The following GDAP1 variants were observed in gnomAD, a reference collection of about 807,000 sequenced individuals.
GDAP1 encodes ganglioside induced differentiation associated protein 1, also known as ganglioside-induced differentiation-associated protein 1.
Under a neutral mutation model 40.1 loss-of-function variants are expected in GDAP1, and 34 were observed. The observed-to-expected ratio is 0.85, with a 90% CI of 0.64 to 1.13. The LOEUF (loss-of-function observed/expected upper bound fraction) is 1.13, where lower values mean the gene tolerates loss of function less well. Among genes scored for constraint, GDAP1 ranks in the 50% most tolerant of loss-of-function variants. GDAP1 has a pLI of 0.00. For missense variants in GDAP1, 374 were observed against 433.7 expected (o/e 0.86, Z 1.22); for synonymous variants, 170 against 157.4 (o/e 1.08, Z -0.60).
rs187602506 is a variant in GDAP1, at chr8:74,365,752, A to G, written c.*1385A>G. ...TAATTCCATTTCATGACCTAGTTGT[A>G]TTAGAAAACCTTGATGAACTATATG... is the stretch of plus-strand genomic sequence containing the variant. On this transcript the variant is annotated 3_prime_UTR_variant, in exon 6 of 6. Coordinates refer to ENST00000220822, the MANE Select transcript of GDAP1 (RefSeq NM_018972.4). The G allele has an allele frequency of 2.2e-6, 1 of 454,540 alleles. No homozygotes were observed. Among genetic ancestry groups the G allele is most frequent in the East Asian group, 6.9e-5 (1 of 14,402 alleles). 28.2% of individuals were successfully genotyped at this position (454,540 alleles called of 1,614,324 possible).
At chr8:74,433,037 C>G (rs949515882) in intron 2 of GDAP1, among the ~76,000 whole-genome samples, 6 of 152,166 alleles carry the variant, frequency 3.9e-5, no homozygotes, top group African/African-American at 1.4e-4. Flanking sequence ...CTTCAGTAAA[C>G]TCAGCTTTCC....
chr8:74,350,909 G>A (rs185949417), intron 1 of GDAP1, among the ~76,000 whole-genome samples: 1 of 152,190 alleles, frequency 6.6e-6, no homozygotes, highest in Non-Finnish European at 1.5e-5. Context: ...CATAATCTGC[G>A]ATCTCTTCTT....
intron 2 of GDAP1, among the ~76,000 whole-genome samples, chr8:74,396,494 A>G (rs1436309804): frequency 6.6e-6 from 1 of 151,850 alleles, no homozygotes; most frequent in African/African-American, 2.4e-5. Flanking sequence ...TCCTAATGCT[A>G]TCCTTCCCCC....
chr8:74,371,598 T>C (rs1325364565), downstream of GDAP1, among the ~76,000 whole-genome samples: 2 of 151,126 alleles, frequency 1.3e-5, no homozygotes, highest in South Asian at 4.2e-4. Flanking sequence ...AGGCGGAGCT[T>C]GCAGTGAGCC....
chr8:74,458,116 A>G (rs1381996384), intron 2 of GDAP1, among the ~76,000 whole-genome samples: 1 of 152,052 alleles, frequency 6.6e-6, no homozygotes, highest in Non-Finnish European at 1.5e-5. Flanking sequence ...TAAATACAAT[A>G]TTGACATGGT....
downstream of GDAP1, among the ~76,000 whole-genome samples, chr8:74,367,309 T>G (rs6472843): frequency 0.99 from 151,327 of 152,280 alleles, 75,196 homozygotes; most frequent in East Asian, 1. Flanking sequence ...TATGGATTAT[T>G]CATATTGAAA....
Position 74,462,226 on chromosome 8 carries a change from T to C in GDAP1, c.166-26452T>C, listed in dbSNP as rs189518554. Among the ~76,000 whole-genome samples, 14 of 152,328 alleles carry C rather than the reference T, an allele frequency of 9.2e-5. No individual in the cohort carries two copies. In the East Asian group the frequency reaches 2.7e-3, roughly 29 times the overall value. On this transcript the variant is annotated intron_variant, in intron 2 of 2. Transcript: ENST00000523640. ...CTAGAGTTAATTTTTTGTCAAGTACTTCCTGGCTGGGCTGGGCTACTTATT... is the reference window on the plus strand; with the variant it reads ...CTAGAGTTAATTTTTTGTCAAGTACCTCCTGGCTGGGCTGGGCTACTTATT...
intron 2 of GDAP1, among the ~76,000 whole-genome samples, chr8:74,415,435 C>G (rs1212602519): frequency 6.7e-6 from 1 of 150,042 alleles, no homozygotes; most frequent in Non-Finnish European, 1.5e-5. Context: ...TGAACTTTTT[C>G]CAAGAAGCAA....
rs557626477 is a variant in GDAP1 at position 74,465,240 on chromosome 8, T to TA, written c.166-23429dup. Among the ~76,000 whole-genome samples, 303 of 151,026 alleles carry TA rather than the reference T, an allele frequency of 2.0e-3. 1 individual carries two copies. The highest frequency in any genetic ancestry group is 6.7e-3 in the African/African-American group (277 of 41,172). ...CTCTCCAAAAATAAATAAATAAAAA[T>TA]AAAAAAAAATAAACCTAAGCCGTGC... On this transcript the variant is annotated intron_variant, in intron 2 of 2. Transcript: ENST00000523640.
At chr8:74,387,145 C>G (rs1391578664) in intron 2 of GDAP1, among the ~76,000 whole-genome samples, 1 of 152,202 alleles carries the variant, frequency 6.6e-6, no homozygotes, top group Non-Finnish European at 1.5e-5. Flanking sequence ...ATTCTACTTT[C>G]TCTCTCCCTA....
intron 2 of GDAP1, among the ~76,000 whole-genome samples, chr8:74,484,024 A>G (rs180701000): frequency 7.2e-4 from 110 of 152,292 alleles, no homozygotes; most frequent in African/African-American, 2.1e-3. Context: ...TTCCTTCTTT[A>G]TTGGAGGCAA....
intron 2 of GDAP1, among the ~76,000 whole-genome samples, chr8:74,430,397 G>A (rs1014437328): frequency 6.6e-6 from 1 of 152,168 alleles, no homozygotes; most frequent in Non-Finnish European, 1.5e-5. Flanking sequence ...AATTCCCAGA[G>A]TAAGAAGCTA....
intron 2 of GDAP1, among the ~76,000 whole-genome samples, chr8:74,447,530 C>G (rs117440745): frequency 6.6e-6 from 1 of 152,076 alleles, no homozygotes; most frequent in Non-Finnish European, 1.5e-5. Context: ...GGCTTGCAGT[C>G]AAAACATAGG....
At chr8:74,413,282 T>G (rs1805738196) in intron 2 of GDAP1, among the ~76,000 whole-genome samples, 1 of 148,966 alleles carries the variant, frequency 6.7e-6, no homozygotes, top group Admixed American at 6.6e-5. Flanking sequence ...AAAAGTAGAG[T>G]AGCAGGCAGA....
chr8:74,394,061 C>T (rs1409820561), intron 2 of GDAP1, among the ~76,000 whole-genome samples: 2 of 151,608 alleles, frequency 1.3e-5, no homozygotes, highest in African/African-American at 2.4e-5. Context: ...GGACAATTTA[C>T]AAAAAAAAGA....
At chr8:74,429,291 A>C (rs1007188409) in intron 2 of GDAP1, among the ~76,000 whole-genome samples, 2 of 152,010 alleles carry the variant, frequency 1.3e-5, no homozygotes, top group Non-Finnish European at 2.9e-5. Flanking sequence ...AATAGAACTT[A>C]AAGTATAATA....
At chr8:74,447,378 G>A (rs1563472523) in intron 2 of GDAP1, among the ~76,000 whole-genome samples, 1 of 151,996 alleles carries the variant, frequency 6.6e-6, no homozygotes, top group Non-Finnish European at 1.5e-5. Context: ...TTTTTCTACT[G>A]TATATCTGGG....
intron 2 of GDAP1, among the ~76,000 whole-genome samples, chr8:74,412,902 CA>C (rs758257475): frequency 0.012 from 1,577 of 128,622 alleles, 31 homozygotes; most frequent in Non-Finnish European, 0.015. Flanking sequence ...ACTAAAAATA[CA>C]AAAAAAAAAA....
intron 2 of GDAP1, among the ~76,000 whole-genome samples, chr8:74,465,621 C>A (rs1418687270): frequency 1.3e-5 from 2 of 152,158 alleles, no homozygotes; most frequent in Non-Finnish European, 1.5e-5. Context: ...CTCAAGCCTC[C>A]AATTGCTCTT....
Sources: gnomAD v4.1 joint callset for allele counts (sites outside exome capture counted in the v4.1 genomes callset) on GRCh38, gnomAD v4.1.1 for gene constraint, MANE v1.5 for transcripts, NCBI Gene and HGNC (gene_info 2026-07-23, HGNC 2026-07-21) for gene names.